The following UBE3A variants were observed in gnomAD, a reference collection of about 807,000 sequenced individuals.
The protein encoded by UBE3A is ubiquitin-protein ligase E3A.
A neutral mutation model predicts 83.4 loss-of-function variants in UBE3A; 6 were observed. That is an observed-to-expected ratio of 0.07 (90% CI 0.04 to 0.14). The LOEUF (loss-of-function observed/expected upper bound fraction) is 0.14, where lower values mean the gene tolerates loss of function less well. Ranked by LOEUF, UBE3A falls within the 10% of genes least tolerant of loss-of-function variation. The probability of loss-of-function intolerance (pLI) is 1.00; values close to 1 mark genes in which losing one functional copy is unlikely to be tolerated. For missense variants in UBE3A, 456 were observed against 1,036.1 expected (o/e 0.44, Z 7.69); for synonymous variants, 337 against 355.4 (o/e 0.95, Z 0.58).
Position 25,438,974 on chromosome 15 carries a change from C to A in UBE3A, c.-650G>T, listed in dbSNP as rs1474688537. On this transcript the variant is annotated 5_prime_UTR_variant, in exon 1 of 13. It removes an upstream start codon present in the reference 5' UTR. Transcript: ENST00000648336. ...GTAGTCACCCCGAGCCCAGCGCCAC[C>A]ATCTTGGGAGACACACGGATCTCGC... 1 of 152,120 alleles carries A rather than the reference C, an allele frequency of 6.6e-6. No homozygotes were observed. Among genetic ancestry groups the A allele is most frequent in the Non-Finnish European group, 1.5e-5 (1 of 68,048 alleles). The allele number at this position is 152,120 out of a possible 1,614,324, so 9.4% of individuals were successfully genotyped here.
rs528506830 is a variant in UBE3A, at chr15:25,341,590, CCT to C, written c.2355-1364_2355-1363del. ...ATCAGCCTGACCAACGTGGTGAAAC[CCT>C]GTCTCTACTAAAATACAAAAATTAG... On this transcript the variant is annotated intron_variant, in intron 11 of 12. Transcript: ENST00000648336. Among the ~76,000 whole-genome samples, 4 of 150,832 alleles carry C rather than the reference CCT, an allele frequency of 2.7e-5. No homozygotes were observed. The South Asian group carries it at 8.4e-4, about 32-fold the overall frequency.
At chr15:25,405,254 T>A (rs2088212409) in intron 4 of UBE3A, among the ~76,000 whole-genome samples, 2 of 152,296 alleles carry the variant, frequency 1.3e-5, no homozygotes, top group South Asian at 2.1e-4. Context: ...TGTGCATTTA[T>A]CTATCTAGTA....
In UBE3A at chr15:25,371,143, A is replaced by G; in HGVS notation, c.1031T>C (p.Ile344Thr). 6.2e-7 allele frequency: 1 copy of G among 1,614,152 alleles called. No homozygotes were observed. The highest frequency in any genetic ancestry group is 8.5e-7 in the Non-Finnish European group (1 of 1,180,020). Reference protein sequence around the residue: ...RRMMETFQQLITYKVISNEFN... With the variant: ...RRMMETFQQLTTYKVISNEFN... ...TTCATTGCTTATGACTTTATAAGTA[A>G]TAAGTTGCTGAAATGTCTCCATCAT... The change falls in exon 6 of 13, where the codon ATT becomes ACT. Residue 344 changes from isoleucine to threonine, a missense_variant. Physicochemically the swap from Ile to Thr is moderately conservative, Grantham distance 89. Coordinates refer to ENST00000648336, the MANE Select transcript of UBE3A (RefSeq NM_130839.5). This position sits in a 1 kb window ranked among gnomAD's most constrained non-coding sequence, Gnocchi z 5.3.
At chr15:25,413,938 G>C (rs2090438550) in intron 1 of UBE3A, among the ~76,000 whole-genome samples, 1 of 151,892 alleles carries the variant, frequency 6.6e-6, no homozygotes, top group South Asian at 2.1e-4. Flanking sequence ...CTCATACATG[G>C]CCTCTCTCCA....
chr15:25,413,141 G>C (rs2090293643), intron 1 of UBE3A: 3 of 367,572 alleles, frequency 8.2e-6, no homozygotes, highest in Non-Finnish European at 1.6e-5. Context: ...ACAAATATTA[G>C]GCACACTCAC....
intron 6 of UBE3A, among the ~76,000 whole-genome samples, chr15:25,362,694 A>G (rs898024709): frequency 4.4e-4 from 67 of 152,156 alleles, no homozygotes; most frequent in African/African-American, 1.6e-3. Flanking sequence ...GAGTATACAG[A>G]ATTCTGAGGA....
rs1467380394 is a variant in UBE3A at position 25,428,063 on chromosome 15, G to A, written c.-165+10426C>T. On this transcript the variant is annotated intron_variant, in intron 1 of 12. Transcript: ENST00000648336. ...CTCAAGAAGATAAGCATAGACTGGT[G>A]GTTACTAGCAGCCGAAGTGGGGAGT... Among the ~76,000 whole-genome samples the A allele has an allele frequency of 3.9e-5, 6 of 152,002 alleles. 1 individual carries two copies. Among genetic ancestry groups the A allele is most frequent in the Admixed American group, 3.3e-4 (5 of 15,240 alleles).
chr15:25,389,042 C>G (rs2083715759), intron 4 of UBE3A, among the ~76,000 whole-genome samples: 2 of 152,224 alleles, frequency 1.3e-5, no homozygotes, highest in South Asian at 4.1e-4. Context: ...CAGATGGACA[C>G]TACTGATTTC....
rs1425073066 is a variant in UBE3A, at chr15:25,334,844, A to G, written c.*4293T>C. ...GGTGCTTGGGCAGATGGATATACAG[A>G]TACCAATGCACTTATGCAAAAAATG... On this transcript the variant is annotated 3_prime_UTR_variant, in exon 13 of 13. Coordinates refer to ENST00000648336, the MANE Select transcript of UBE3A (RefSeq NM_130839.5). 1 of 152,206 alleles carries G rather than the reference A, an allele frequency of 6.6e-6. No individual in the cohort carries two copies. Among genetic ancestry groups the G allele is most frequent in the Non-Finnish European group, 1.5e-5 (1 of 68,040 alleles). 9.4% of individuals were successfully genotyped at this position (152,206 alleles called of 1,614,324 possible). A position where few individuals can be genotyped will look rare whatever the true frequency, so the allele number is the denominator to read the frequency against.
At chr15:25,431,237 G>A (rs1893356807) in intron 1 of UBE3A, among the ~76,000 whole-genome samples, 1 of 152,158 alleles carries the variant, frequency 6.6e-6, no homozygotes, top group Non-Finnish European at 1.5e-5. Flanking sequence ...TTACAGAGAT[G>A]GCAAAATGTG....
intron 1 of UBE3A, among the ~76,000 whole-genome samples, chr15:25,422,146 T>C (rs897408730): frequency 6.6e-6 from 1 of 152,126 alleles, no homozygotes; most frequent in Non-Finnish European, 1.5e-5. Context: ...ATTGGATGAA[T>C]CTCAAAAACA....
At chr15:25,421,206 C>A (rs1057214034) in intron 1 of UBE3A, among the ~76,000 whole-genome samples, 1 of 152,106 alleles carries the variant, frequency 6.6e-6, no homozygotes, top group Non-Finnish European at 1.5e-5. Flanking sequence ...GTGCCACTTC[C>A]CCACCCTCTC....
At chr15:25,376,885 C>A (rs911703700) in intron 4 of UBE3A, among the ~76,000 whole-genome samples, 3 of 150,984 alleles carry the variant, frequency 2.0e-5, no homozygotes, top group South Asian at 2.1e-4. Context: ...AATTATGTGA[C>A]CATGTAAGAA....
In UBE3A at chr15:25,375,898, G is replaced by C; in HGVS notation, c.63-135C>G. On this transcript the variant is annotated intron_variant, in intron 4 of 12. Coordinates refer to ENST00000648336, the MANE Select transcript of UBE3A (RefSeq NM_130839.5). The stretch of plus-strand genomic sequence containing the variant: ...TGTATGAAGATGAGAAGTAGAAAAT[G>C]GAGATGCACTATTTACCACAACTCC... 3 of 917,974 alleles carry C rather than the reference G, an allele frequency of 3.3e-6. No individual in the cohort carries two copies. The South Asian group carries it at 4.3e-5, about 13-fold the overall frequency. 56.9% of individuals were successfully genotyped at this position (917,974 alleles called of 1,614,324 possible). A position where few individuals can be genotyped will look rare whatever the true frequency, so the allele number is the denominator to read the frequency against.
In UBE3A at chr15:25,393,380, T is replaced by C. The variant is rs1312057783; in HGVS notation, c.62+12081A>G. Reference sequence around the variant, plus strand: ...GATTTATTTATATTATATCACTGAATACTCAATTATGTTAAGAGGCAGACA... The same window carrying C: ...GATTTATTTATATTATATCACTGAACACTCAATTATGTTAAGAGGCAGACA... On this transcript the variant is annotated intron_variant, in intron 4 of 12. Coordinates refer to ENST00000648336, the MANE Select transcript of UBE3A (RefSeq NM_130839.5). Among the ~76,000 whole-genome samples the C allele has an allele frequency of 2.0e-5, 3 of 152,204 alleles. No individual in the cohort carries two copies. In the East Asian group the frequency reaches 5.8e-4, roughly 29 times the overall value.
chr15:25,422,823 A>C (rs1304914887), intron 1 of UBE3A, among the ~76,000 whole-genome samples: 3 of 151,360 alleles, frequency 2.0e-5, no homozygotes, highest in Non-Finnish European at 4.4e-5. Context: ...AAAAAAAAAA[A>C]AAAAAACCAA....
intron 7 of UBE3A, among the ~76,000 whole-genome samples, chr15:25,359,361 A>G (rs537960028): frequency 5.9e-4 from 90 of 151,922 alleles, no homozygotes; most frequent in African/African-American, 2.1e-3. Flanking sequence ...ACTACATACA[A>G]ATGGCATAGC....
At chr15:25,374,343 C>G (rs2080833581) in intron 5 of UBE3A, 1 of 152,350 alleles carries the variant, frequency 6.6e-6, no homozygotes, top group South Asian at 2.1e-4. Flanking sequence ...TACCACATCC[C>G]CCGCAGCTGG....
At chr15:25,429,281 G>C (rs1892342873) in intron 1 of UBE3A, among the ~76,000 whole-genome samples, 2 of 151,938 alleles carry the variant, frequency 1.3e-5, no homozygotes, top group African/African-American at 4.8e-5. Flanking sequence ...TTGAACAGTT[G>C]GGGTTGTTAA....
Sources: allele counts gnomAD v4.1 joint callset (sites outside exome capture counted in the v4.1 genomes callset), GRCh38; gene constraint gnomAD v4.1.1; non-coding constraint Gnocchi (gnomAD v3.1); transcripts MANE v1.5; gene names NCBI Gene and HGNC (gene_info 2026-07-23, HGNC 2026-07-21).